STK33: variants seen among roughly 807,000 people sequenced by gnomAD.
STK33 encodes the protein serine/threonine-protein kinase 33.
A neutral mutation model predicts 58.0 loss-of-function variants in STK33; 52 were observed. That is an observed-to-expected ratio of 0.90 (90% CI 0.72 to 1.13). STK33 has a LOEUF of 1.13. Among genes scored for constraint, STK33 ranks in the 50% most tolerant of loss-of-function variants. The probability of loss-of-function intolerance (pLI) is 0.00; values close to 1 mark genes in which losing one functional copy is unlikely to be tolerated. For missense variants in STK33, 630 were observed against 604.2 expected (o/e 1.04, Z -0.45); for synonymous variants, 215 against 200.1 (o/e 1.07, Z -0.63).
At chr11:8,472,291 C>G (rs1948852987) in intron 6 of STK33, among the ~76,000 whole-genome samples, 1 of 152,064 alleles carries the variant, frequency 6.6e-6, no homozygotes, top group Admixed American at 6.6e-5. Flanking sequence ...TCAGGCCAGG[C>G]AGCTTTTCTA....
the STK33 span, among the ~76,000 whole-genome samples, chr11:8,354,294 C>G: frequency 6.6e-6 from 1 of 152,024 alleles, no homozygotes. Flanking sequence ...CACCTCCGCT[C>G]TCACCCTCAT....
At chr11:8,588,028 C>G (rs965433665) in intron 1 of STK33, among the ~76,000 whole-genome samples, 1 of 152,168 alleles carries the variant, frequency 6.6e-6, no homozygotes, top group Non-Finnish European at 1.5e-5. Flanking sequence ...GGTGGGGGTA[C>G]TCTTCCTAGT....
intron 14 of STK33, among the ~76,000 whole-genome samples, chr11:8,416,846 A>T (rs1307712831): frequency 1.3e-5 from 2 of 152,166 alleles, no homozygotes; most frequent in Non-Finnish European, 1.5e-5. Flanking sequence ...CTCACTTGTG[A>T]TATCAAGCCT....
At chr11:8,469,963 A>G (rs957197512) in intron 6 of STK33, among the ~76,000 whole-genome samples, 1 of 152,246 alleles carries the variant, frequency 6.6e-6, no homozygotes, top group Non-Finnish European at 1.5e-5. Context: ...TTATTTAATG[A>G]GCACAGGCAG....
the STK33 span, among the ~76,000 whole-genome samples, chr11:8,367,557 T>C: frequency 1.2e-4 from 18 of 152,028 alleles, no homozygotes; most frequent in Non-Finnish European, 2.5e-4. Context: ...GAAGAATGAG[T>C]AGCAACTCAC....
At chr11:8,578,063 T>C (rs1297228979) in intron 1 of STK33, among the ~76,000 whole-genome samples, 1 of 152,130 alleles carries the variant, frequency 6.6e-6, no homozygotes, top group Non-Finnish European at 1.5e-5. Context: ...CAGTCAACTA[T>C]GCCATAATCT....
chr11:8,438,977 T>C (rs1944401923), intron 12 of STK33, among the ~76,000 whole-genome samples: 1 of 152,202 alleles, frequency 6.6e-6, no homozygotes. Flanking sequence ...CAATTTCTAC[T>C]GCCTGTATAT....
At chr11:8,534,562 CTCTCTCTGTGTGTGTG>C (rs1243820034) in intron 1 of STK33, among the ~76,000 whole-genome samples, 25 of 129,052 alleles carry the variant, frequency 1.9e-4, no homozygotes, top group Non-Finnish European at 2.7e-4. Flanking sequence ...CTCTCTCTCT[CTCTCTCTGTGTGTGTG>C]TGTGTGTGTG....
At chr11:8,514,766 C>G (rs578104696) in intron 1 of STK33, among the ~76,000 whole-genome samples, 2 of 152,312 alleles carry the variant, frequency 1.3e-5, no homozygotes, top group South Asian at 4.1e-4. Flanking sequence ...TCTCTGCAAA[C>G]AATGTTTCAA....
At chr11:8,407,803 G>A (rs34378489) in intron 15 of STK33, among the ~76,000 whole-genome samples, 27,583 of 151,906 alleles carry the variant, frequency 0.18, 2,838 homozygotes, top group South Asian at 0.32. Flanking sequence ...CTTCCAAAAC[G>A]TGGCTAAAGG....
chr11:8,351,693 G>A, the STK33 span, among the ~76,000 whole-genome samples: 1 of 152,232 alleles, frequency 6.6e-6, no homozygotes, highest in African/African-American at 2.4e-5. Flanking sequence ...TGGGAGCGTC[G>A]TCCGGAGGTG....
At chr11:8,398,353 G>C (rs1447070744) in intron 15 of STK33, among the ~76,000 whole-genome samples, 1 of 152,118 alleles carries the variant, frequency 6.6e-6, no homozygotes, top group Non-Finnish European at 1.5e-5. Flanking sequence ...TTCATATCCA[G>C]CCAAACTAAG....
intron 1 of STK33, among the ~76,000 whole-genome samples, chr11:8,559,953 T>C (rs1957011337): frequency 6.6e-6 from 1 of 152,146 alleles, no homozygotes; most frequent in African/African-American, 2.4e-5. Context: ...TTTTTCATTA[T>C]CCATATATAT....
rs137979102 is a variant in STK33 at position 8,583,163 on chromosome 11, A to G, written c.-466+10920T>C. Among the ~76,000 whole-genome samples, 5 of 152,328 alleles carry G rather than the reference A, an allele frequency of 3.3e-5. No individual in the cohort carries two copies. The East Asian group carries it at 9.6e-4, about 29-fold the overall frequency. ...CAGATACGTCTAGTCCTTCTTTAAC[A>G]GGTTTCTGCCTTTCAGATATGAAGA... On this transcript the variant is annotated intron_variant, in intron 1 of 15. Coordinates refer to ENST00000687296, the MANE Select transcript of STK33 (RefSeq NM_001352389.2).
At chr11:8,372,232 C>G in the STK33 span, among the ~76,000 whole-genome samples, 1 of 152,180 alleles carries the variant, frequency 6.6e-6, no homozygotes, top group Non-Finnish European at 1.5e-5. Flanking sequence ...AAGCCATGAG[C>G]TTGGTGTTGC....
At chr11:8,474,509 A>C (rs1949078573) in intron 5 of STK33, 172 bp downstream of exon 5, 1 of 493,046 alleles carries the variant, frequency 2.0e-6, no homozygotes, top group South Asian at 4.3e-5. Flanking sequence ...GAAACATCAT[A>C]TAACAAGTTA....
chr11:8,394,092 T>TC (rs1848947515), intron 15 of STK33, among the ~76,000 whole-genome samples: 3 of 152,198 alleles, frequency 2.0e-5, no homozygotes, highest in Non-Finnish European at 4.4e-5. Context: ...TTAGTTCTTT[T>TC]CCCCCCTAAG....
chr11:8,493,510 C>T (rs747578719), intron 1 of STK33, among the ~76,000 whole-genome samples: 16 of 152,234 alleles, frequency 1.1e-4, no homozygotes, highest in Non-Finnish European at 2.2e-4. Flanking sequence ...TGGAATTCTA[C>T]CAGAGGTATG....
At chr11:8,409,007 T>A (rs1192235674) in intron 15 of STK33, among the ~76,000 whole-genome samples, 1 of 152,242 alleles carries the variant, frequency 6.6e-6, no homozygotes, top group Non-Finnish European at 1.5e-5. Flanking sequence ...GGAAAGTAGG[T>A]ATTCAGCATA....
Sources: gnomAD v4.1 joint callset for allele counts (sites outside exome capture counted in the v4.1 genomes callset) on GRCh38, gnomAD v4.1.1 for gene constraint, MANE v1.5 for transcripts, NCBI Gene and HGNC (gene_info 2026-07-23, HGNC 2026-07-21) for gene names.